The following FUT9 variants were observed in gnomAD, a reference collection of about 807,000 sequenced individuals.
The protein encoded by FUT9 is fucosyltransferase 9, also known as 4-galactosyl-N-acetylglucosaminide 3-alpha-L-fucosyltransferase 9.
In FUT9, 15 loss-of-function variants were observed where a neutral mutation model predicts 29.7. The ratio of observed to expected loss-of-function variants is 0.51; its 90% CI spans 0.34 to 0.78. The LOEUF (loss-of-function observed/expected upper bound fraction) is 0.78. FUT9 is among the 30% of genes least tolerant of loss of function. The pLI is 0.01. For missense variants in FUT9, 319 were observed against 425.4 expected, an observed-to-expected ratio of 0.75 and a Z score of 2.20; for synonymous variants, 169 against 153.7, an observed-to-expected ratio of 1.10 and a Z score of -0.74.
intron 2 of FUT9, among the ~76,000 whole-genome samples, chr6:96,178,398 T>G (rs558832576): frequency 1.3e-3 from 203 of 152,334 alleles, no homozygotes; most frequent in African/African-American, 4.7e-3. Flanking sequence ...TCATTTCTAT[T>G]GTGCCACTAA....
intron 2 of FUT9, among the ~76,000 whole-genome samples, chr6:96,165,013 T>C (rs552159967): frequency 6.6e-6 from 1 of 152,288 alleles, no homozygotes; most frequent in South Asian, 2.1e-4. Flanking sequence ...TAAAGAAATC[T>C]CATGGGGCAA....
intron 2 of FUT9, among the ~76,000 whole-genome samples, chr6:96,202,393 C>A (rs540411294): frequency 6.6e-6 from 1 of 151,844 alleles, no homozygotes; most frequent in Non-Finnish European, 1.5e-5. Context: ...TAAGTGAGAA[C>A]GTTTTTCCAA....
chr6:96,205,502 T>C lies in FUT9; in HGVS notation c.*1267T>C, dbSNP rs566287965. On this transcript the variant is annotated 3_prime_UTR_variant, in exon 3 of 3. Transcript: ENST00000302103. ...TACATAGCACATATGACCATGATGT[T>C]CAGGGCTTTATAGAACCAAATAAAC... 1.2e-5 allele frequency: 2 copies of C among 167,174 alleles called. No homozygotes were observed. Among genetic ancestry groups the C allele is most frequent in the Admixed American group, 1.3e-4 (2 of 15,298 alleles). 10.4% of individuals were successfully genotyped at this position (167,174 alleles called of 1,614,324 possible).
At chr6:96,186,233 G>A (rs1773404228) in intron 2 of FUT9, among the ~76,000 whole-genome samples, 1 of 151,688 alleles carries the variant, frequency 6.6e-6, no homozygotes, top group South Asian at 2.1e-4. Context: ...GTTCTTACTA[G>A]TTTGTTCTCT....
chr6:96,078,761 G>A (rs1226284268), intron 1 of FUT9, among the ~76,000 whole-genome samples: 1 of 151,958 alleles, frequency 6.6e-6, no homozygotes, highest in East Asian at 1.9e-4. Context: ...TCGTTAATTA[G>A]GCATTCATAA....
intron 1 of FUT9, among the ~76,000 whole-genome samples, chr6:96,100,662 A>C (rs193050348): frequency 5.9e-5 from 9 of 152,282 alleles, no homozygotes; most frequent in Non-Finnish European, 8.8e-5. Flanking sequence ...GATGATCGAT[A>C]AGCCAAGAAG....
chr6:96,093,861 G>C (rs912394327), intron 1 of FUT9, among the ~76,000 whole-genome samples: 1 of 152,132 alleles, frequency 6.6e-6, no homozygotes, highest in Non-Finnish European at 1.5e-5. Context: ...TTAAGGGACA[G>C]AGGAGTTGAA....
Position 96,203,856 on chromosome 6 carries a change from C to G in FUT9, c.701C>G (p.Thr234Ser), listed in dbSNP as rs1773775308. ...EYVNDKNLIPTISTCKFYLSF... is the reference protein window; with the variant it reads ...EYVNDKNLIPSISTCKFYLSF... ...GTCAATGATAAAAATTTGATTCCTA[C>G]CATATCTACTTGTAAATTTTATCTT... Residue 234 changes from threonine (T) to serine (S), a missense_variant, in exon 3 of 3, where the codon ACC becomes AGC. By Grantham distance (58) the Thr-to-Ser change is moderately conservative (BLOSUM62 1). Transcript: ENST00000302103. 6.2e-7 allele frequency: 1 copy of G among 1,610,116 alleles called. No individual in the cohort carries two copies. Among genetic ancestry groups the G allele is most frequent in the Non-Finnish European group, 8.5e-7 (1 of 1,176,730 alleles).
chr6:96,137,344 A>C (rs2127971638), intron 2 of FUT9, among the ~76,000 whole-genome samples: 1 of 152,240 alleles, frequency 6.6e-6, no homozygotes, highest in African/African-American at 2.4e-5. Context: ...ATGAGTGCAT[A>C]GTTATATAAA....
chr6:96,036,511 C>T (rs1417831303), intron 1 of FUT9: 2 of 151,808 alleles, frequency 1.3e-5, no homozygotes, highest in African/African-American at 2.4e-5. Flanking sequence ...GTTAAACTAA[C>T]TTTTTGGGTT....
intron 2 of FUT9, among the ~76,000 whole-genome samples, chr6:96,170,546 TCACA>T (rs5878420): frequency 0.17 from 25,732 of 148,514 alleles, 2,489 homozygotes; most frequent in East Asian, 0.24. Context: ...AAAATCCCTT[TCACA>T]CACACACACA....
chr6:96,139,391 G>A (rs986447487), intron 2 of FUT9, among the ~76,000 whole-genome samples: 13 of 152,150 alleles, frequency 8.5e-5, no homozygotes, highest in Non-Finnish European at 1.9e-4. Context: ...TCATGCTCTG[G>A]TGTTGAGTGC....
Position 96,045,812 on chromosome 6 carries a change from C to T in FUT9, c.-98+29600C>T, listed in dbSNP as rs141352376. 9.9e-4 allele frequency among the ~76,000 whole-genome samples: 151 copies of T among 152,328 alleles called. 1 individual carries two copies. The highest frequency in any genetic ancestry group is 3.4e-3 in the African/African-American group (141 of 41,584). On this transcript the variant is annotated intron_variant, in intron 1 of 2. Transcript: ENST00000302103. ...AGACTTCAGAGGAGGCATCTCCTTT[C>T]GTAGTTTGCCCATTCCTGGCGGGTA...
At chr6:96,104,959 A>G (rs1771650688) in intron 1 of FUT9, among the ~76,000 whole-genome samples, 1 of 152,242 alleles carries the variant, frequency 6.6e-6, no homozygotes, top group Non-Finnish European at 1.5e-5. Flanking sequence ...AAATAAGAAC[A>G]AAGATAAAGA....
In FUT9 at chr6:96,023,947, C is replaced by T. The variant is rs372051812; in HGVS notation, c.-98+7735C>T. Among the ~76,000 whole-genome samples the T allele has an allele frequency of 4.8e-4, 73 of 151,956 alleles. 1 individual carries two copies. The East Asian group carries it at 0.011, about 23-fold the overall frequency. ...CCCTTTAGCACTTCACTACATTTGG[C>T]CTTTCCCAATTGTGATAATCTCCCC... On this transcript the variant is annotated intron_variant, in intron 1 of 2. Transcript: ENST00000302103.
intron 2 of FUT9, among the ~76,000 whole-genome samples, chr6:96,144,716 T>A (rs1204759085): frequency 6.6e-6 from 1 of 152,180 alleles, no homozygotes; most frequent in African/African-American, 2.4e-5. Flanking sequence ...ATAGTTTAAG[T>A]GGAATTATTC....
chr6:96,067,277 T>C (rs192553870), intron 1 of FUT9, among the ~76,000 whole-genome samples: 4 of 151,892 alleles, frequency 2.6e-5, no homozygotes, highest in African/African-American at 9.6e-5. Context: ...TCATTACAAC[T>C]GGGAACATAT....
intron 2 of FUT9, among the ~76,000 whole-genome samples, chr6:96,177,424 G>T (rs1041296786): frequency 2.6e-5 from 4 of 151,920 alleles, no homozygotes; most frequent in African/African-American, 9.7e-5. Context: ...TCCTAGATAG[G>T]TATTGTTATA....
At chr6:96,054,589 AACATGAAT>A (rs930883610) in intron 1 of FUT9, among the ~76,000 whole-genome samples, 2 of 152,212 alleles carry the variant, frequency 1.3e-5, no homozygotes, top group African/African-American at 4.8e-5. Context: ...AAGGATATAA[AACATGAAT>A]ACAATGAATA....
Sources: allele counts gnomAD v4.1 joint callset (sites outside exome capture counted in the v4.1 genomes callset), GRCh38; gene constraint gnomAD v4.1.1; transcripts MANE v1.5; gene names NCBI Gene and HGNC (gene_info 2026-07-23, HGNC 2026-07-21).